The following SYT1 variants were observed in gnomAD, a reference collection of about 807,000 sequenced individuals.
The protein encoded by SYT1 is synaptotagmin 1, also known as synaptotagmin-1.
A neutral mutation model predicts 44.8 loss-of-function variants in SYT1; 8 were observed. The ratio of observed to expected loss-of-function variants is 0.18; its 90% confidence interval spans 0.10 to 0.32. The LOEUF is 0.32. SYT1 is among the 10% of genes least tolerant of loss of function. The pLI, the probability that SYT1 is intolerant of heterozygous loss-of-function variation, is 1.00. For synonymous variants in SYT1, 154 were observed against 188.8 expected (o/e 0.82, Z 1.51); for missense variants, 286 against 509.3 (o/e 0.56, Z 4.22).
At chr12:78,895,291 A>G (rs1354356002) in intron 1 of SYT1, among the ~76,000 whole-genome samples, 1 of 151,752 alleles carries the variant, frequency 6.6e-6, no homozygotes, top group Non-Finnish European at 1.5e-5. Flanking sequence ...GGATTATAGG[A>G]TTAAGTAATC....
chr12:79,346,038 T>C (rs1882591472), intron 8 of SYT1, among the ~76,000 whole-genome samples: 1 of 152,200 alleles, frequency 6.6e-6, no homozygotes, highest in Non-Finnish European at 1.5e-5. Context: ...CAGCATTAAT[T>C]CAGGTACTTT....
At chr12:78,934,359 AAAAC>A (rs1230937964) in intron 1 of SYT1, among the ~76,000 whole-genome samples, 4 of 152,098 alleles carry the variant, frequency 2.6e-5, no homozygotes, top group South Asian at 2.1e-4. Context: ...TATCTCTACA[AAAAC>A]AAACAAACAA....
intron 9 of SYT1, among the ~76,000 whole-genome samples, chr12:79,440,442 T>C (rs1429590797): frequency 1.3e-5 from 2 of 152,114 alleles, no homozygotes; most frequent in African/African-American, 4.8e-5. Context: ...AATGAATCCA[T>C]ACAGTTACAG....
chr12:79,434,737 A>C (rs1382635937), intron 9 of SYT1, among the ~76,000 whole-genome samples: 2 of 152,100 alleles, frequency 1.3e-5, no homozygotes, highest in African/African-American at 4.8e-5. Context: ...TCTCTCTGCA[A>C]ATAAGTGCAG....
At chr12:79,013,898 C>T (rs531722237) in intron 2 of SYT1, among the ~76,000 whole-genome samples, 134 of 151,980 alleles carry the variant, frequency 8.8e-4, no homozygotes, top group East Asian at 3.1e-3. Context: ...GAGGCCAAGG[C>T]GGGCAGATAA....
intron 1 of SYT1, among the ~76,000 whole-genome samples, chr12:78,951,944 C>A (rs1295886816): frequency 6.6e-6 from 1 of 152,090 alleles, no homozygotes; most frequent in Non-Finnish European, 1.5e-5. Flanking sequence ...GAAGGAGACT[C>A]CACTAATTAG....
chr12:79,350,379 A>C (rs1399741610), intron 8 of SYT1, among the ~76,000 whole-genome samples: 5 of 150,828 alleles, frequency 3.3e-5, no homozygotes, highest in Non-Finnish European at 7.4e-5. Context: ...CAGCCTCCAG[A>C]GTAGCTGGGA....
Position 79,093,103 on chromosome 12 carries a change from C to T in SYT1, c.-18+45741C>T, listed in dbSNP as rs149859095. ...AAATTGTAACTCAAAGAAGGTTAAA[C>T]ATCACTTGCTATTTGGAGTGCTTCC... On this transcript the variant is annotated intron_variant, in intron 3 of 10. Transcript: ENST00000261205. Among the ~76,000 whole-genome samples, 420 of 151,746 alleles carry T rather than the reference C, an allele frequency of 2.8e-3. 5 individuals are homozygous for T. The highest frequency in any genetic ancestry group is 0.01 in the Admixed American group (157 of 15,176).
rs73352997 is a variant in SYT1, at chr12:79,344,619, T to C, written c.811-8883T>C. 9.1e-3 allele frequency among the ~76,000 whole-genome samples: 1,381 copies of C among 151,982 alleles called. 19 individuals carry two copies. The highest frequency in any genetic ancestry group is 0.031 in the African/African-American group (1,299 of 41,440). ...AGGCACGCATCACACCACACCTGGCTATTTTTTTGTATTTTTTTGTAGAGA... is the reference window on the plus strand; with the variant it reads ...AGGCACGCATCACACCACACCTGGCCATTTTTTTGTATTTTTTTGTAGAGA... On this transcript the variant is annotated intron_variant, in intron 8 of 10. Transcript: ENST00000261205.
chr12:79,342,953 T>A (rs748538156), intron 8 of SYT1, among the ~76,000 whole-genome samples: 1 of 152,216 alleles, frequency 6.6e-6, no homozygotes, highest in Non-Finnish European at 1.5e-5. Flanking sequence ...TTCCATATTA[T>A]AACTAAAACC....
At chr12:79,322,101 A>G (rs1408845150) in intron 8 of SYT1, among the ~76,000 whole-genome samples, 3 of 152,184 alleles carry the variant, frequency 2.0e-5, no homozygotes. Context: ...TAAGAAAATG[A>G]TTCATTCAGC....
At chr12:79,274,691 T>C (rs1294210270) in intron 4 of SYT1, among the ~76,000 whole-genome samples, 1 of 152,102 alleles carries the variant, frequency 6.6e-6, no homozygotes, top group Non-Finnish European at 1.5e-5. Flanking sequence ...CTGAGTACTC[T>C]TCCTGGGTAA....
intron 8 of SYT1, among the ~76,000 whole-genome samples, chr12:79,319,187 C>T (rs1361453170): frequency 6.6e-6 from 1 of 152,078 alleles, no homozygotes; most frequent in Non-Finnish European, 1.5e-5. Flanking sequence ...ATTTTTGTTT[C>T]TTTTTGGTAA....
intron 4 of SYT1, among the ~76,000 whole-genome samples, chr12:79,250,731 A>T (rs1292798886): frequency 6.6e-6 from 1 of 152,160 alleles, no homozygotes; most frequent in Admixed American, 6.5e-5. Flanking sequence ...CTTGTGTGTT[A>T]AGGGGAATTT....
intron 8 of SYT1, among the ~76,000 whole-genome samples, chr12:79,330,798 G>A (rs2139011415): frequency 6.6e-6 from 1 of 152,222 alleles, no homozygotes; most frequent in Middle Eastern, 3.4e-3. Context: ...GGATTTTCCT[G>A]ATGAGGACAT....
At chr12:78,913,031 A>G (rs1460383985) in intron 1 of SYT1, among the ~76,000 whole-genome samples, 1 of 151,876 alleles carries the variant, frequency 6.6e-6, no homozygotes, top group Non-Finnish European at 1.5e-5. Flanking sequence ...TATTGAGTCT[A>G]TTCTTAGATT....
intron 4 of SYT1, among the ~76,000 whole-genome samples, chr12:79,234,693 T>C (rs117370106): frequency 0.065 from 4,946 of 75,628 alleles, 57 homozygotes; most frequent in African/African-American, 0.078. Flanking sequence ...GGGCTTTTTC[T>C]TTCTTTCTTT....
At chr12:79,437,845 A>G (rs1306362498) in intron 9 of SYT1, among the ~76,000 whole-genome samples, 1 of 152,176 alleles carries the variant, frequency 6.6e-6, no homozygotes, top group Non-Finnish European at 1.5e-5. Flanking sequence ...GTGCAGAGAA[A>G]AATCCTATCA....
intron 9 of SYT1, among the ~76,000 whole-genome samples, chr12:79,398,969 G>A (rs531224234): frequency 1.3e-5 from 2 of 152,060 alleles, no homozygotes; most frequent in Admixed American, 6.6e-5. Flanking sequence ...ACGACCATAC[G>A]AATAACCAGT....
Sources: gnomAD v4.1 joint callset for allele counts (sites outside exome capture counted in the v4.1 genomes callset) on GRCh38, gnomAD v4.1.1 for gene constraint, MANE v1.5 for transcripts, NCBI Gene and HGNC (gene_info 2026-07-23, HGNC 2026-07-21) for gene names.